NLRP9: variants seen among roughly 807,000 people sequenced by gnomAD.
NLRP9 encodes the protein NLR family pyrin domain containing 9.
A neutral mutation model predicts 83.1 loss-of-function variants in NLRP9; 88 were observed. The ratio of observed to expected loss-of-function variants is 1.06; its 90% CI spans 0.89 to 1.26. The LOEUF (loss-of-function observed/expected upper bound fraction) is 1.26. Ranked by LOEUF, NLRP9 falls within the 50% of genes most tolerant of loss-of-function variation. The pLI, the probability that NLRP9 is intolerant of heterozygous loss-of-function variation, is 0.00. For synonymous variants in NLRP9, 521 were observed against 447.6 expected (o/e 1.16, Z -2.07); for missense variants, 1,308 against 1,179.3 (o/e 1.11, Z -1.60).
intron 4 of NLRP9, among the ~76,000 whole-genome samples, chr19:55,720,158 G>T (rs762380033): frequency 4.6e-5 from 7 of 152,248 alleles, no homozygotes; most frequent in Admixed American, 3.9e-4. Flanking sequence ...AGAAAAAGTG[G>T]TTTTTCAACA....
intron 1 of NLRP9, chr19:55,737,734 T>TTAAAAAAA (rs1491249939): frequency 1.3e-5 from 1 of 79,652 alleles, no homozygotes; most frequent in Non-Finnish European, 2.4e-5. Context: ...ACCCTTTCTC[T>TTAAAAAAA]AAAAAAAAAA....
chr19:55,731,655 T>C (rs1262060336), intron 2 of NLRP9, among the ~76,000 whole-genome samples: 1 of 138,148 alleles, frequency 7.2e-6, no homozygotes, highest in East Asian at 2.1e-4. Context: ...ACCTGGGAGG[T>C]GGAGGTTGCA....
intron 5 of NLRP9, among the ~76,000 whole-genome samples, chr19:55,716,505 C>T (rs898942943): frequency 1.8e-4 from 28 of 151,988 alleles, no homozygotes; most frequent in Admixed American, 2.0e-4. Context: ...GTGATCCTCC[C>T]GCCTCAGCTT....
intron 1 of NLRP9, among the ~76,000 whole-genome samples, chr19:55,737,073 A>G (rs1988803841): frequency 6.6e-6 from 1 of 152,190 alleles, no homozygotes; most frequent in African/African-American, 2.4e-5. Context: ...GATACCTAAT[A>G]GGGAATATAT....
chr19:55,712,580 A>T lies in NLRP9; in HGVS notation c.2512T>A (p.Cys838Ser). The change falls in exon 7 of 9, where the codon TGT (cysteine) becomes AGT (serine). Residue 838 changes from cysteine to serine, a missense_variant. Coordinates refer to ENST00000332836, the MANE Select transcript of NLRP9 (RefSeq NM_176820.4). ...TTACAGGAATCGGAAGTAAGGAAACAGCCCATCAACCTGGGGAGGTGGAAG... is the reference window on the plus strand; with the variant it reads ...TTACAGGAATCGGAAGTAAGGAAACTGCCCATCAACCTGGGGAGGTGGAAG... ...CSIRELWLMG[C>S]FLTSDSCKDI... The T allele has an allele frequency of 1.2e-6, 2 of 1,612,300 alleles. No individual in the cohort carries two copies. The highest frequency in any genetic ancestry group is 2.2e-5 in the South Asian group (2 of 91,048).
Position 55,712,399 on chromosome 19 carries a change from T to C in NLRP9, c.2672+21A>G, listed in dbSNP as rs770327394. ...TTGAAATAGATAAATTTTCCTACGA[T>C]GGTGATCAGTAGATACTCACCCGAG... On this transcript the variant is annotated intron_variant, in intron 7 of 8. Coordinates refer to ENST00000332836, the MANE Select transcript of NLRP9 (RefSeq NM_176820.4). The C allele has an allele frequency of 4.4e-6, 7 of 1,581,070 alleles. No individual in the cohort carries two copies. In the Admixed American group the frequency reaches 6.8e-5, roughly 15 times the overall value.
chr19:55,735,333 T>C (rs905796788), intron 1 of NLRP9, among the ~76,000 whole-genome samples: 1 of 139,104 alleles, frequency 7.2e-6, no homozygotes, highest in Admixed American at 7.2e-5. Context: ...ACGCCGGTAA[T>C]CCCAGCGCTT....
chr19:55,720,616 C>G (rs755510061), intron 4 of NLRP9, among the ~76,000 whole-genome samples: 6 of 152,178 alleles, frequency 3.9e-5, no homozygotes, highest in Non-Finnish European at 7.3e-5. Flanking sequence ...AGGCATGAGC[C>G]ACCAAGCCTG....
intron 3 of NLRP9, among the ~76,000 whole-genome samples, chr19:55,725,574 G>A (rs1482784251): frequency 6.6e-6 from 1 of 152,156 alleles, no homozygotes; most frequent in Non-Finnish European, 1.5e-5. Context: ...ACTGCGGGCG[G>A]AGTGATCCCC....
intron 3 of NLRP9, among the ~76,000 whole-genome samples, chr19:55,727,595 C>A (rs1364236963): frequency 6.6e-6 from 1 of 152,178 alleles, no homozygotes; most frequent in Admixed American, 6.6e-5. Context: ...CAGTCCCCTA[C>A]TTTAACATTT....
At chr19:55,713,229 G>A (rs1348438736) in intron 6 of NLRP9, among the ~76,000 whole-genome samples, 1 of 151,284 alleles carries the variant, frequency 6.6e-6, no homozygotes, top group African/African-American at 2.4e-5. Flanking sequence ...TGTATATCAT[G>A]TGTCCAATCC....
At position 55,716,840 on chromosome 19, in the gene NLRP9, A is replaced by G. The variant is rs370635367; in HGVS notation, c.2218T>C (p.Cys740Arg). The change falls in exon 5 of 9, where the codon TGC becomes CGC. Residue 740 changes from cysteine to arginine, a missense_variant. Transcript: ENST00000332836. ...VCEDIASVLA[C>R]NSKLKHLSLV... ...GAGAGGTGTTTCAGCTTGCTGTTGCAGGCCAGGACGGAGGCGATGTCTTCA... is the reference window on the plus strand; with the variant it reads ...GAGAGGTGTTTCAGCTTGCTGTTGCGGGCCAGGACGGAGGCGATGTCTTCA... 6 of 1,613,752 alleles carry G rather than the reference A, an allele frequency of 3.7e-6. No individual in the cohort carries two copies. The African/African-American group carries it at 8.0e-5, about 22-fold the overall frequency.
intron 3 of NLRP9, among the ~76,000 whole-genome samples, chr19:55,725,205 T>A (rs1988363192): frequency 6.6e-6 from 1 of 152,374 alleles, no homozygotes; most frequent in East Asian, 1.9e-4. Context: ...AAGCCAGATA[T>A]GTACATATTT....
intron 8 of NLRP9, among the ~76,000 whole-genome samples, chr19:55,711,011 G>A (rs963368422): frequency 6.6e-5 from 10 of 151,874 alleles, no homozygotes; most frequent in Admixed American, 4.6e-4. Flanking sequence ...CCTTGAGCCC[G>A]GGAGGCAGGG....
intron 1 of NLRP9, among the ~76,000 whole-genome samples, chr19:55,734,662 C>G (rs1988734234): frequency 6.7e-6 from 1 of 149,276 alleles, no homozygotes; most frequent in South Asian, 2.1e-4. Context: ...GAGATGAACT[C>G]TCGCTCTTGT....
chr19:55,724,589 A>AT (rs1000982909), intron 3 of NLRP9, among the ~76,000 whole-genome samples: 3,617 of 146,694 alleles, frequency 0.025, 55 homozygotes, highest in Non-Finnish European at 0.035. Flanking sequence ...TAAAATTAAG[A>AT]TTTTTTTTTT....
intron 1 of NLRP9, among the ~76,000 whole-genome samples, chr19:55,735,117 C>T (rs1023341754): frequency 2.6e-5 from 4 of 152,166 alleles, no homozygotes; most frequent in Admixed American, 1.3e-4. Flanking sequence ...AAGGCAGGGA[C>T]GGTTCCACCG....
intron 3 of NLRP9, among the ~76,000 whole-genome samples, chr19:55,728,003 TC>T (rs1988450224): frequency 6.6e-6 from 1 of 152,100 alleles, no homozygotes; most frequent in South Asian, 2.1e-4. Context: ...AAGAGTCCTC[TC>T]CCCGTGGGAT....
rs73933317 is a variant in NLRP9, at chr19:55,715,091, G to A, written c.2465C>T (p.Ala822Val). The A allele has an allele frequency of 3.4e-3, 5,525 of 1,612,782 alleles. 154 individuals are homozygous for A. In the African/African-American group the frequency reaches 0.058, roughly 17 times the overall value. Reference sequence around the variant, plus strand: ...TATGCTGCAGCCTGGGTGCTTCAGCGCTGCACACAGAGATGCCACTCCATT... The same window carrying A: ...TATGCTGCAGCCTGGGTGCTTCAGCACTGCACACAGAGATGCCACTCCATT... Reference protein sequence around the residue: ...EDNGVASLCAALKHPGCSIRE... With the variant: ...EDNGVASLCAVLKHPGCSIRE... Residue 822 changes from alanine to valine, a missense_variant, in exon 6 of 9, where the codon GCG (alanine) becomes GTG (valine). By Grantham distance (64) the Ala-to-Val change is moderately conservative. Transcript: ENST00000332836.
Sources: allele counts gnomAD v4.1 joint callset (sites outside exome capture counted in the v4.1 genomes callset), GRCh38; gene constraint gnomAD v4.1.1; transcripts MANE v1.5; gene names NCBI Gene and HGNC (gene_info 2026-07-23, HGNC 2026-07-21).